Variants in GLIS3 observed in about 807,000 individuals in gnomAD.
GLIS3 encodes GLIS family zinc finger 3.
In GLIS3, 53 loss-of-function variants were observed where a neutral mutation model predicts 78.6. The ratio of observed to expected loss-of-function variants is 0.67; its 90% confidence interval spans 0.54 to 0.85. The LOEUF (loss-of-function observed/expected upper bound fraction) is 0.85. GLIS3 is among the 40% of genes least tolerant of loss of function. The probability of loss-of-function intolerance (pLI) is 0.00; values close to 1 mark genes in which losing one functional copy is unlikely to be tolerated. For synonymous variants in GLIS3, 684 were observed against 509.9 expected (o/e 1.34, Z -4.60); for missense variants, 1,703 against 1,231.1 (o/e 1.38, Z -5.74).
chr9:4,363,038 C>G, the GLIS3 span, among the ~76,000 whole-genome samples: 1 of 152,158 alleles, frequency 6.6e-6, no homozygotes, highest in Admixed American at 6.5e-5. Flanking sequence ...CCATTATTTA[C>G]TCTGTGAATT....
intron 2 of GLIS3, among the ~76,000 whole-genome samples, chr9:4,217,849 G>C (rs1281686149): frequency 1.3e-5 from 2 of 152,178 alleles, no homozygotes; most frequent in East Asian, 3.8e-4. Flanking sequence ...TTCTGCAGCA[G>C]CATGAAATAG....
chr9:4,037,938 T>C (rs915036551), intron 4 of GLIS3, among the ~76,000 whole-genome samples: 3 of 143,448 alleles, frequency 2.1e-5, no homozygotes, highest in African/African-American at 8.0e-5. Context: ...TCAGGGGAGA[T>C]ACAAAATCCA....
chr9:3,831,227 G>A (rs1818024980), intron 9 of GLIS3, among the ~76,000 whole-genome samples: 2 of 152,180 alleles, frequency 1.3e-5, no homozygotes, highest in Admixed American at 6.6e-5. Context: ...GAAATTCCAC[G>A]TCAAGCCAGA....
At chr9:4,254,831 C>A (rs1824757641) in intron 2 of GLIS3, among the ~76,000 whole-genome samples, 1 of 144,592 alleles carries the variant, frequency 6.9e-6, no homozygotes, top group Non-Finnish European at 1.5e-5. Context: ...CAGAGCAAGA[C>A]TACGTCTCAA....
At chr9:4,127,549 C>T (rs909951841) in intron 2 of GLIS3, among the ~76,000 whole-genome samples, 2 of 152,096 alleles carry the variant, frequency 1.3e-5, no homozygotes, top group African/African-American at 4.8e-5. Context: ...ATAGTAGGTA[C>T]ACTTTTATGT....
chr9:4,199,513 C>A (rs1035928536), intron 2 of GLIS3, among the ~76,000 whole-genome samples: 11 of 148,524 alleles, frequency 7.4e-5, no homozygotes, highest in Non-Finnish European at 7.4e-5. Context: ...TAACTTATAT[C>A]ATATAAAACA....
chr9:3,967,011 CAAAAAAAAA>C (rs776900943), intron 4 of GLIS3, among the ~76,000 whole-genome samples: 1 of 29,598 alleles, frequency 3.4e-5, no homozygotes, highest in South Asian at 1.3e-3. Context: ...TTTCTTTCTG[CAAAAAAAAA>C]AAAAAAAAAA....
chr9:4,226,246 T>C (rs1028995622), intron 2 of GLIS3, among the ~76,000 whole-genome samples: 1 of 152,216 alleles, frequency 6.6e-6, no homozygotes, highest in Non-Finnish European at 1.5e-5. Flanking sequence ...AACTGACCTC[T>C]TGCTTGGTTA....
chr9:4,160,061 T>C (rs1481563826), intron 2 of GLIS3, among the ~76,000 whole-genome samples: 1 of 152,232 alleles, frequency 6.6e-6, no homozygotes, highest in Non-Finnish European at 1.5e-5. Flanking sequence ...GTGAACTTTA[T>C]TATCATAAAG....
chr9:4,258,622 C>G (rs978799498), intron 2 of GLIS3, among the ~76,000 whole-genome samples: 13 of 152,178 alleles, frequency 8.5e-5, no homozygotes, highest in Non-Finnish European at 8.8e-5. Context: ...TTGAGGACAT[C>G]ATCACCAAGG....
Position 3,870,033 on chromosome 9 carries a change from C to T in GLIS3, c.2297+9394G>A, listed in dbSNP as rs530193785. On this transcript the variant is annotated intron_variant, in intron 8 of 10. Coordinates refer to ENST00000381971, the MANE Select transcript of GLIS3 (RefSeq NM_001042413.2). ...TAGAAACAAAGCCTGAATTAAGACA[C>T]GGAAAAAAGGAAACTAAGTCATAAG... 7.2e-5 allele frequency among the ~76,000 whole-genome samples: 11 copies of T among 152,074 alleles called. No individual in the cohort carries two copies. The East Asian group carries it at 7.7e-4, about 11-fold the overall frequency.
chr9:4,368,943 T>A, the GLIS3 span, among the ~76,000 whole-genome samples: 1 of 152,206 alleles, frequency 6.6e-6, no homozygotes, highest in Non-Finnish European at 1.5e-5. Context: ...ACCTGGTTTA[T>A]GTTAACCAAG....
intron 4 of GLIS3, among the ~76,000 whole-genome samples, chr9:4,104,932 T>G (rs753707942): frequency 2.6e-5 from 4 of 152,120 alleles, no homozygotes; most frequent in African/African-American, 7.2e-5. Context: ...ATGAGTGAAA[T>G]AGAGATAGTT....
At chr9:4,310,367 T>C (rs1441605544) in intron 3 of GLIS3, 2 of 152,060 alleles carry the variant, frequency 1.3e-5, no homozygotes, top group East Asian at 3.9e-4. Context: ...AGTTTCCGAG[T>C]GAATGGGGGA....
chr9:4,438,216 A>C, the GLIS3 span, among the ~76,000 whole-genome samples: 1 of 152,358 alleles, frequency 6.6e-6, no homozygotes, highest in East Asian at 1.9e-4. Context: ...AAAAAGTATA[A>C]TAATGAGGCT....
At chr9:3,994,805 A>G (rs1563930046) in intron 4 of GLIS3, among the ~76,000 whole-genome samples, 1 of 152,214 alleles carries the variant, frequency 6.6e-6, no homozygotes, top group East Asian at 1.9e-4. Flanking sequence ...CTTCTGATGC[A>G]GCACATCTAA....
chr9:4,426,240 C>T, the GLIS3 span, among the ~76,000 whole-genome samples: 1 of 152,108 alleles, frequency 6.6e-6, no homozygotes, highest in Non-Finnish European at 1.5e-5. Context: ...TAGGCTGAGT[C>T]GATTTTAGAA....
the GLIS3 span, among the ~76,000 whole-genome samples, chr9:4,457,353 C>G: frequency 6.7e-6 from 1 of 148,958 alleles, no homozygotes; most frequent in African/African-American, 2.5e-5. Flanking sequence ...AGAGTGAGAC[C>G]TTGTCTCAAA....
chr9:4,193,255 A>G (rs1181794780), intron 2 of GLIS3, among the ~76,000 whole-genome samples: 1 of 152,232 alleles, frequency 6.6e-6, no homozygotes, highest in Non-Finnish European at 1.5e-5. Context: ...GAAAAATCAA[A>G]TTTTGTGGCA....
Sources: allele counts gnomAD v4.1 joint callset (sites outside exome capture counted in the v4.1 genomes callset), GRCh38; gene constraint gnomAD v4.1.1; transcripts MANE v1.5; gene names NCBI Gene and HGNC (gene_info 2026-07-23, HGNC 2026-07-21).